CYTH3: variants seen among roughly 807,000 people sequenced by gnomAD.
The protein encoded by CYTH3 is cytohesin 3.
In CYTH3, 23 loss-of-function variants were observed where a neutral mutation model predicts 55.1. That is an observed-to-expected ratio of 0.42 (90% CI 0.30 to 0.59). CYTH3 has a LOEUF of 0.59. Ranked by LOEUF, CYTH3 falls within the 20% of genes least tolerant of loss-of-function variation. CYTH3 has a pLI of 0.20. For synonymous variants in CYTH3, 249 were observed against 194.9 expected (o/e 1.28, Z -2.31); for missense variants, 413 against 524.8 (o/e 0.79, Z 2.08).
rs987381764 is a variant in CYTH3, at chr7:6,186,325, C to G, written c.249+725G>C. On this transcript the variant is annotated intron_variant, in intron 4 of 12. Transcript: ENST00000350796. ...AACCAGCTCTGCAGCGAGACCTTCC[C>G]GTGGACACGCCGTTCCTCTCCTCAA... 8.6e-5 allele frequency among the ~76,000 whole-genome samples: 13 copies of G among 151,992 alleles called. No individual in the cohort carries two copies. The East Asian group carries it at 2.5e-3, about 29-fold the overall frequency.
intron 1 of CYTH3, among the ~76,000 whole-genome samples, chr7:6,246,748 T>A (rs1171071571): frequency 6.6e-6 from 1 of 151,046 alleles, no homozygotes. Flanking sequence ...TGTTACTGAA[T>A]AACTGGGATT....
chr7:6,254,806 A>C (rs936813963), intron 1 of CYTH3, among the ~76,000 whole-genome samples: 7 of 152,224 alleles, frequency 4.6e-5, no homozygotes, highest in African/African-American at 1.7e-4. Flanking sequence ...TTGTAATACA[A>C]AGACAGACAA....
At chr7:6,234,078 A>G (rs1583183759) in intron 1 of CYTH3, among the ~76,000 whole-genome samples, 1 of 152,218 alleles carries the variant, frequency 6.6e-6, no homozygotes, top group Admixed American at 6.5e-5. Context: ...TTTTAACAGG[A>G]GTTTTGGAGT....
chr7:6,265,550 C>T (rs1238755409), intron 1 of CYTH3, among the ~76,000 whole-genome samples: 1 of 148,728 alleles, frequency 6.7e-6, no homozygotes, highest in Non-Finnish European at 1.5e-5. Context: ...GCCCAGGAAG[C>T]GGATGTTGCA....
At chr7:6,235,497 T>C (rs1381090720) in intron 1 of CYTH3, among the ~76,000 whole-genome samples, 2 of 150,364 alleles carry the variant, frequency 1.3e-5, no homozygotes, top group Admixed American at 6.6e-5. Context: ...AAAAACTGCT[T>C]AGTGCTTGCT....
chr7:6,210,761 C>G (rs1784303352), intron 1 of CYTH3, among the ~76,000 whole-genome samples: 2 of 152,098 alleles, frequency 1.3e-5, no homozygotes, highest in South Asian at 4.2e-4. Flanking sequence ...TGGTGCCAGG[C>G]TTAGGAAAGC....
chr7:6,214,347 T>A (rs1784383693), intron 1 of CYTH3, among the ~76,000 whole-genome samples: 2 of 152,236 alleles, frequency 1.3e-5, no homozygotes, highest in Admixed American at 6.5e-5. Context: ...AAATAAATTT[T>A]AAAAGCCTTG....
chr7:6,218,249 A>C (rs1408241888), intron 1 of CYTH3, among the ~76,000 whole-genome samples: 1 of 152,220 alleles, frequency 6.6e-6, no homozygotes, highest in Non-Finnish European at 1.5e-5. Flanking sequence ...ATGCAATAAA[A>C]AATGTCCATA....
At chr7:6,240,448 CCTAA>C (rs1167672407) in intron 1 of CYTH3, among the ~76,000 whole-genome samples, 3 of 151,944 alleles carry the variant, frequency 2.0e-5, no homozygotes, top group Non-Finnish European at 2.9e-5. Context: ...GGAGATTAAC[CCTAA>C]CTGATACTAA....
At chr7:6,193,405 A>C (rs1783849884) in intron 1 of CYTH3, among the ~76,000 whole-genome samples, 2 of 151,458 alleles carry the variant, frequency 1.3e-5, no homozygotes, top group South Asian at 4.2e-4. Flanking sequence ...GGAGACATCC[A>C]CTAAAACTGT....
chr7:6,271,380 G>T (rs1181216190), intron 1 of CYTH3, among the ~76,000 whole-genome samples: 3 of 152,062 alleles, frequency 2.0e-5, no homozygotes, highest in Admixed American at 2.0e-4. Context: ...CTTACAGGCA[G>T]CTGCACCGGC....
intron 1 of CYTH3, among the ~76,000 whole-genome samples, chr7:6,210,655 CA>C (rs1784301312): frequency 6.6e-6 from 1 of 152,174 alleles, no homozygotes. Flanking sequence ...CTGGTGTCCC[CA>C]AAAGAAACCC....
At chr7:6,211,137 C>G (rs960515185) in intron 1 of CYTH3, among the ~76,000 whole-genome samples, 1 of 152,192 alleles carries the variant, frequency 6.6e-6, no homozygotes, top group Non-Finnish European at 1.5e-5. Flanking sequence ...CCGACCCCAT[C>G]TGCCACTGGG....
intron 9 of CYTH3, 68 bp from the exon 10 acceptor site, chr7:6,165,878 C>G (rs975966764): frequency 1.7e-5 from 26 of 1,507,202 alleles, no homozygotes; most frequent in African/African-American, 5.5e-5. Context: ...AAGAGGGGGC[C>G]CTGGACCTGC....
chr7:6,165,677 C>T, intron 10 of CYTH3, 57 bp downstream of exon 10: 1 of 1,613,364 alleles, frequency 6.2e-7, no homozygotes, highest in South Asian at 1.1e-5. Context: ...GGTCCCTCGG[C>T]CCCAGGGCAG....
intron 1 of CYTH3, among the ~76,000 whole-genome samples, chr7:6,235,919 T>C (rs968613315): frequency 1.3e-5 from 2 of 152,204 alleles, no homozygotes; most frequent in African/African-American, 4.8e-5. Flanking sequence ...AGCTCCAATC[T>C]ATTGCTGTAA....
chr7:6,201,082 T>C (rs1237125484), intron 1 of CYTH3, among the ~76,000 whole-genome samples: 1 of 152,146 alleles, frequency 6.6e-6, no homozygotes, highest in Non-Finnish European at 1.5e-5. Flanking sequence ...GAGCATGAGT[T>C]TCTGGAGACT....
chr7:6,171,374 G>C lies in CYTH3; in HGVS notation c.450-60C>G. Reference sequence around the variant, plus strand: ...AGAACCAACACCGCCTCACGGCCAAGGGCGGCTTCTGCCCAGCTCAGGAAG... The same window carrying C: ...AGAACCAACACCGCCTCACGGCCAACGGCGGCTTCTGCCCAGCTCAGGAAG... On this transcript the variant is annotated intron_variant, in intron 6 of 12. Coordinates refer to ENST00000350796, the MANE Select transcript of CYTH3 (RefSeq NM_004227.4). The surrounding 1 kb of genome is among the most constrained non-coding windows in gnomAD (Gnocchi z 6.7). 1.3e-6 allele frequency: 2 copies of C among 1,544,206 alleles called. No homozygotes were observed. The highest frequency in any genetic ancestry group is 1.7e-5 in the Admixed American group (1 of 59,328).
chr7:6,209,576 A>C (rs1184803000), intron 1 of CYTH3, among the ~76,000 whole-genome samples: 1 of 152,232 alleles, frequency 6.6e-6, no homozygotes, highest in African/African-American at 2.4e-5. Flanking sequence ...TCCAAGCTCA[A>C]CAGCCTTACA....
Sources: gnomAD v4.1 joint callset for allele counts (sites outside exome capture counted in the v4.1 genomes callset) on GRCh38, gnomAD v4.1.1 for gene constraint, Gnocchi (gnomAD v3.1) non-coding constraint, MANE v1.5 for transcripts, NCBI Gene and HGNC (gene_info 2026-07-23, HGNC 2026-07-21) for gene names.